The following TMEM163 variants were observed in gnomAD, a reference collection of about 807,000 sequenced individuals.
TMEM163 encodes transmembrane protein 163.
In TMEM163, 17 loss-of-function variants were observed where a neutral mutation model predicts 29.3. The ratio of observed to expected loss-of-function variants is 0.58; its 90% CI spans 0.40 to 0.87. The LOEUF is 0.87. Among genes scored for constraint, TMEM163 ranks in the 40% least tolerant of loss-of-function variants. The pLI is 0.00. For synonymous variants in TMEM163, 157 were observed against 160.6 expected (o/e 0.98, Z 0.17); for missense variants, 303 against 381.5 (o/e 0.79, Z 1.71).
At chr2:134,587,521 G>A (rs927655480) in intron 2 of TMEM163, among the ~76,000 whole-genome samples, 3 of 152,216 alleles carry the variant, frequency 2.0e-5, no homozygotes, top group Admixed American at 6.5e-5. Flanking sequence ...GCCAGCCTTT[G>A]TGCCTGTCTT....
In TMEM163 at chr2:134,460,762, C is replaced by T. The variant is rs771513101; in HGVS notation, c.668-2589G>A. ...CCGCTCTGCCAGCCAGCACCAAGGC[C>T]GGCCCAGCTTGCTATTCCTGACAGC... On this transcript the variant is annotated intron_variant, in intron 6 of 7. Coordinates refer to ENST00000281924, the MANE Select transcript of TMEM163 (RefSeq NM_030923.5). This position sits in a 1 kb window ranked among gnomAD's most constrained non-coding sequence, Gnocchi z 4.3. Among the ~76,000 whole-genome samples, 20 of 152,190 alleles carry T rather than the reference C, an allele frequency of 1.3e-4. No homozygotes were observed. In the East Asian group the frequency reaches 2.5e-3, roughly 19 times the overall value.
chr2:134,568,759 A>C (rs1455048879), intron 2 of TMEM163, among the ~76,000 whole-genome samples: 1 of 152,182 alleles, frequency 6.6e-6, no homozygotes, highest in Non-Finnish European at 1.5e-5. Context: ...TGAAGGAAAG[A>C]AATCTTAGGT....
intron 2 of TMEM163, among the ~76,000 whole-genome samples, chr2:134,690,000 G>A (rs1325095705): frequency 2.0e-5 from 3 of 151,706 alleles, no homozygotes; most frequent in African/African-American, 7.3e-5. Flanking sequence ...GTGTGATCTC[G>A]GCTCACTGCA....
chr2:134,513,639 C>T (rs1679995804), intron 4 of TMEM163, among the ~76,000 whole-genome samples: 1 of 152,196 alleles, frequency 6.6e-6, no homozygotes, highest in Non-Finnish European at 1.5e-5. Context: ...CTGACTCAGG[C>T]ACTGTCTGTG....
At chr2:134,516,721 T>TCATATATATGCATATATTCATATATA (rs1680073401) in intron 4 of TMEM163, among the ~76,000 whole-genome samples, 5 of 106,842 alleles carry the variant, frequency 4.7e-5, no homozygotes, top group African/African-American at 1.6e-4. Flanking sequence ...ACATATATAT[T>TCATATATATGCATATATTCATATATA]CATATATATG....
chr2:134,466,083 C>A, intron 6 of TMEM163, 31 bp downstream of exon 6: 2 of 1,538,292 alleles, frequency 1.3e-6, no homozygotes, highest in Non-Finnish European at 1.8e-6. Context: ...GAGCCCAGCC[C>A]CCAGAGATTA....
In TMEM163 at chr2:134,542,174, T is replaced by C. The variant is rs527939517; in HGVS notation, c.458+8396A>G. The stretch of plus-strand genomic sequence containing the variant: ...AACGCGAAGGTAGACAATTTCAAAC[T>C]CTTCCAGGATGACAAATAAAACAAT... On this transcript the variant is annotated intron_variant, in intron 4 of 7. Coordinates refer to ENST00000281924, the MANE Select transcript of TMEM163 (RefSeq NM_030923.5). Among the ~76,000 whole-genome samples, 5 of 152,370 alleles carry C rather than the reference T, an allele frequency of 3.3e-5. No homozygotes were observed. The South Asian group carries it at 8.3e-4, about 25-fold the overall frequency.
intron 2 of TMEM163, among the ~76,000 whole-genome samples, chr2:134,557,922 A>T (rs1396471417): frequency 1.3e-5 from 2 of 152,144 alleles, no homozygotes. Context: ...CCTTTAGATT[A>T]GGGATTTGGG....
Position 134,713,483 on chromosome 2 carries a change from T to C in TMEM163, c.203-164A>G, listed in dbSNP as rs562858075. The C allele has an allele frequency of 2.5e-5, 26 of 1,032,390 alleles. No homozygotes were observed. In the South Asian group the frequency reaches 3.2e-4, roughly 13 times the overall value. The allele number at this position is 1,032,390 out of a possible 1,614,324, so 64.0% of individuals were successfully genotyped here. On this transcript the variant is annotated intron_variant, in intron 1 of 7. Coordinates refer to ENST00000281924, the MANE Select transcript of TMEM163 (RefSeq NM_030923.5). ...TTAACAATTAGATTTCACATGAAAA[T>C]CAAGCTTTCTGGCACCCCTTGAAAA...
At chr2:134,633,630 C>T (rs1024704905) in intron 2 of TMEM163, among the ~76,000 whole-genome samples, 3 of 152,002 alleles carry the variant, frequency 2.0e-5, no homozygotes, top group Admixed American at 2.0e-4. Flanking sequence ...GATTAGATCC[C>T]TATAGAAGAA....
intron 5 of TMEM163, among the ~76,000 whole-genome samples, chr2:134,490,326 C>T (rs1479677500): frequency 2.6e-5 from 4 of 152,144 alleles, no homozygotes; most frequent in African/African-American, 9.7e-5. Context: ...CACTTCATGG[C>T]TCTTTCCTCT....
intron 2 of TMEM163, among the ~76,000 whole-genome samples, chr2:134,554,859 T>C (rs903990290): frequency 6.6e-6 from 1 of 152,214 alleles, no homozygotes; most frequent in Non-Finnish European, 1.5e-5. Context: ...CTATCCCACC[T>C]GCACCAAGGA....
At chr2:134,494,973 GCCTCCCAGGTTCTC>G (rs141311033) in intron 5 of TMEM163, among the ~76,000 whole-genome samples, 76,360 of 151,718 alleles carry the variant, frequency 0.5, 20,018 homozygotes, top group Middle Eastern at 0.65. Flanking sequence ...CTTTACTGCT[GCCTCCCAGGTTCTC>G]CCTCCCAGGT....
intron 4 of TMEM163, among the ~76,000 whole-genome samples, chr2:134,521,161 A>G (rs542825179): frequency 2.0e-5 from 3 of 152,084 alleles, no homozygotes; most frequent in South Asian, 2.1e-4. Flanking sequence ...ACCATGCCCA[A>G]TTAGTTTTTG....
At chr2:134,617,026 G>A (rs147277231) in intron 2 of TMEM163, among the ~76,000 whole-genome samples, 8 of 152,026 alleles carry the variant, frequency 5.3e-5, no homozygotes, top group East Asian at 1.9e-4. Context: ...GTAATCATGC[G>A]GGCAAAAATA....
intron 5 of TMEM163, among the ~76,000 whole-genome samples, chr2:134,482,771 G>A (rs1239827917): frequency 6.6e-6 from 1 of 152,132 alleles, no homozygotes; most frequent in Admixed American, 6.5e-5. Context: ...ACATTCAATG[G>A]CTTTACAATT....
chr2:134,517,714 C>G (rs1680105224), intron 4 of TMEM163, among the ~76,000 whole-genome samples: 1 of 152,184 alleles, frequency 6.6e-6, no homozygotes. Flanking sequence ...CCGCCAAGAT[C>G]CTGACATACT....
intron 6 of TMEM163, among the ~76,000 whole-genome samples, chr2:134,465,203 AC>A (rs1158537579): frequency 3.9e-4 from 51 of 130,006 alleles, no homozygotes; most frequent in Admixed American, 1.1e-3. Context: ...AAAAAAAAAA[AC>A]AAAAACAAAA....
chr2:134,470,583 G>A (rs1686777378), intron 5 of TMEM163, among the ~76,000 whole-genome samples: 1 of 152,120 alleles, frequency 6.6e-6, no homozygotes, highest in South Asian at 2.1e-4. Context: ...ACAGAGTCTG[G>A]GGCCATCTCT....
Sources: gnomAD v4.1 joint callset for allele counts (sites outside exome capture counted in the v4.1 genomes callset) on GRCh38, gnomAD v4.1.1 for gene constraint, Gnocchi (gnomAD v3.1) non-coding constraint, MANE v1.5 for transcripts, NCBI Gene and HGNC (gene_info 2026-07-23, HGNC 2026-07-21) for gene names.